Variants in KANSL3 observed in about 807,000 individuals in gnomAD.
KANSL3 encodes the protein NSL complex protein NSL3.
Under a neutral mutation model 89.2 loss-of-function variants are expected in KANSL3, and 16 were observed. The observed-to-expected ratio is 0.18, with a 90% CI of 0.12 to 0.27. The LOEUF (loss-of-function observed/expected upper bound fraction) is 0.27. Ranked by LOEUF, KANSL3 falls within the 10% of genes least tolerant of loss-of-function variation. The pLI is 1.00. For missense variants in KANSL3, 879 were observed against 1,110.6 expected (o/e 0.79, Z 2.96); for synonymous variants, 385 against 419.7 (o/e 0.92, Z 1.01).
intron 3 of KANSL3, chr2:96,628,391 C>A: frequency 2.8e-6 from 1 of 360,960 alleles, no homozygotes; most frequent in Non-Finnish European, 3.9e-6. Flanking sequence ...TGGCTCACAC[C>A]TATAATCCTA....
At chr2:96,612,759 T>C in intron 7 of KANSL3, 59 bp downstream of exon 7, 1 of 1,388,714 alleles carries the variant, frequency 7.2e-7, no homozygotes, top group Non-Finnish European at 1.0e-6. Context: ...ATTCTTCTCC[T>C]CAATCCTCCA....
At chr2:96,596,933 T>C (rs2066595539) in intron 20 of KANSL3, among the ~76,000 whole-genome samples, 1 of 152,192 alleles carries the variant, frequency 6.6e-6, no homozygotes, top group Admixed American at 6.5e-5. Context: ...TCTCTGTCTG[T>C]CCTCTTCCTC....
At chr2:96,592,982 A>C (rs375002678), downstream of KANSL3, among the ~76,000 whole-genome samples, 11 of 151,916 alleles carry the variant, frequency 7.2e-5, 1 homozygote, top group East Asian at 9.7e-4. Flanking sequence ...CAGCCCAAAT[A>C]ACAATGCGAG....
rs572893045 is a variant in KANSL3 at position 96,594,346 on chromosome 2, C to G, written c.*1265G>C. 4 of 152,204 alleles carry G rather than the reference C, an allele frequency of 2.6e-5. No individual in the cohort carries two copies. Among genetic ancestry groups the G allele is most frequent in the African/African-American group, 9.6e-5 (4 of 41,454 alleles). The allele number at this position is 152,204 out of a possible 1,614,324, so 9.4% of individuals were successfully genotyped here. A position where few individuals can be genotyped will look rare whatever the true frequency, so the allele number is the denominator to read the frequency against. On this transcript the variant is annotated 3_prime_UTR_variant, in exon 21 of 21. Coordinates refer to ENST00000431828, the MANE Select transcript of KANSL3 (RefSeq NM_001115016.3). ...CCTGTTCTGGAGGATAGCTTCTAAA[C>G]CAAATCTAAAACTATCTTTGCACAC...
intron 14 of KANSL3, chr2:96,607,110 GAATAA>G (rs1190759126): frequency 9.3e-7 from 1 of 1,074,698 alleles, no homozygotes; most frequent in African/African-American, 1.6e-5. Context: ...AAAAGAGAGG[GAATAA>G]GAAAAAAGGT....
intron 3 of KANSL3, among the ~76,000 whole-genome samples, chr2:96,624,553 G>C (rs915129561): frequency 5.9e-5 from 9 of 151,984 alleles, no homozygotes; most frequent in Non-Finnish European, 1.3e-4. Context: ...AGACAGTCTT[G>C]CTCTGTCGTC....
At chr2:96,633,618 C>T (rs1461392161) in intron 2 of KANSL3, among the ~76,000 whole-genome samples, 2 of 150,098 alleles carry the variant, frequency 1.3e-5, no homozygotes, top group Non-Finnish European at 3.0e-5. Flanking sequence ...GTAATCCCAG[C>T]ACTCTGGGAG....
At chr2:96,625,336 C>T (rs1248542312) in intron 3 of KANSL3, among the ~76,000 whole-genome samples, 2 of 152,236 alleles carry the variant, frequency 1.3e-5, no homozygotes, top group Admixed American at 1.3e-4. Flanking sequence ...AGCAATCATG[C>T]TAATTTATAA....
downstream of KANSL3, among the ~76,000 whole-genome samples, chr2:96,592,876 G>A (rs183421727): frequency 9.7e-4 from 147 of 152,210 alleles, no homozygotes; most frequent in Non-Finnish European, 1.3e-3. Flanking sequence ...GGTGTCGGGC[G>A]CCTGTAATCT....
At chr2:96,632,139 A>G (rs1412225038) in intron 2 of KANSL3, among the ~76,000 whole-genome samples, 5 of 152,184 alleles carry the variant, frequency 3.3e-5, no homozygotes, top group Non-Finnish European at 7.3e-5. Flanking sequence ...GGATCACTTA[A>G]GCCCAGGAGT....
intron 3 of KANSL3, among the ~76,000 whole-genome samples, chr2:96,622,408 TC>T (rs1308923633): frequency 6.9e-6 from 1 of 145,252 alleles, no homozygotes; most frequent in Non-Finnish European, 1.5e-5. Context: ...AGACCTCGTC[TC>T]AAAAAAAAAA....
intron 14 of KANSL3, among the ~76,000 whole-genome samples, chr2:96,607,217 G>GA (rs761368879): frequency 7.2e-5 from 11 of 152,172 alleles, no homozygotes; most frequent in Admixed American, 1.3e-4. Flanking sequence ...ATCTAAAACT[G>GA]AATAGTACTA....
chr2:96,632,631 C>T (rs924789138), intron 2 of KANSL3, among the ~76,000 whole-genome samples: 5 of 152,038 alleles, frequency 3.3e-5, no homozygotes, highest in East Asian at 3.9e-4. Flanking sequence ...CATGAGAGCT[C>T]GTTTAGGGAC....
intron 19 of KANSL3, 44 bp from the exon 20 acceptor site, chr2:96,601,820 C>G: frequency 2.6e-6 from 4 of 1,513,378 alleles, no homozygotes; most frequent in Non-Finnish European, 3.5e-6. Flanking sequence ...TCACACTCTC[C>G]ACCTTCTACT....
At chr2:96,601,011 G>A (rs553253162) in intron 20 of KANSL3, 1 of 523,720 alleles carries the variant, frequency 1.9e-6, no homozygotes, top group Non-Finnish European at 2.4e-6. Context: ...AAAGGGCCAG[G>A]AGCGGTGGCT....
At chr2:96,618,918 C>A (rs550630208) in intron 5 of KANSL3, among the ~76,000 whole-genome samples, 3 of 152,340 alleles carry the variant, frequency 2.0e-5, no homozygotes, top group Admixed American at 6.5e-5. Context: ...CTAAGTGTTG[C>A]TACTAAAGGC....
In KANSL3 at chr2:96,594,936, T is replaced by A. The variant is rs2066421894; in HGVS notation, c.*675A>T. 6.6e-6 allele frequency: 1 copy of A among 152,218 alleles called. No individual in the cohort carries two copies. Among genetic ancestry groups the A allele is most frequent in the Admixed American group, 6.5e-5 (1 of 15,280 alleles). The allele number at this position is 152,218 out of a possible 1,614,324, so 9.4% of individuals were successfully genotyped here. A position where few individuals can be genotyped will look rare whatever the true frequency, so the allele number is the denominator to read the frequency against. On this transcript the variant is annotated 3_prime_UTR_variant, in exon 21 of 21. Coordinates refer to ENST00000431828, the MANE Select transcript of KANSL3 (RefSeq NM_001115016.3). ...CACTGCTCCCAACATCTAGAGTAAG[T>A]CAAAGAGGCTGAAAGATGACAGCCT...
chr2:96,614,282 T>C (rs985961223), intron 5 of KANSL3, among the ~76,000 whole-genome samples: 5 of 152,104 alleles, frequency 3.3e-5, no homozygotes, highest in African/African-American at 9.7e-5. Context: ...CTAGTAGAGA[T>C]GGAGTTTCAC....
chr2:96,593,267 T>C lies in KANSL3; in HGVS notation c.*2344A>G, dbSNP rs777441102. ...CCCATCCAGCCCAAGACTGTTCTAG[T>C]GGTGAAACCAAGAGTAGACAGGTCT... is the stretch of plus-strand genomic sequence containing the variant. On this transcript the variant is annotated 3_prime_UTR_variant, in exon 21 of 21. Coordinates refer to ENST00000431828, the MANE Select transcript of KANSL3 (RefSeq NM_001115016.3). 8.8e-6 allele frequency: 4 copies of C among 455,982 alleles called. No homozygotes were observed. The highest frequency in any genetic ancestry group is 2.3e-5 in the Admixed American group (1 of 42,556). 28.2% of individuals were successfully genotyped at this position (455,982 alleles called of 1,614,324 possible). A position where few individuals can be genotyped will look rare whatever the true frequency, so the allele number is the denominator to read the frequency against.
Sources: gnomAD v4.1 joint callset for allele counts (sites outside exome capture counted in the v4.1 genomes callset) on GRCh38, gnomAD v4.1.1 for gene constraint, MANE v1.5 for transcripts, NCBI Gene and HGNC (gene_info 2026-07-23, HGNC 2026-07-21) for gene names.